RGS6: variants seen among roughly 807,000 people sequenced by gnomAD.
The protein encoded by RGS6 is regulator of G-protein signaling 6.
In RGS6, 30 loss-of-function variants were observed where a neutral mutation model predicts 78.5. The ratio of observed to expected loss-of-function variants is 0.38; its 90% CI spans 0.29 to 0.52. The LOEUF (loss-of-function observed/expected upper bound fraction) is 0.52. Ranked by LOEUF, RGS6 falls within the 20% of genes least tolerant of loss-of-function variation. RGS6 has a pLI of 0.85. For synonymous variants in RGS6, 206 were observed against 206.0 expected, an observed-to-expected ratio of 1.00 and a Z score of 0.00; for missense variants, 495 against 609.7, an observed-to-expected ratio of 0.81 and a Z score of 1.98.
At chr14:72,230,304 A>G (rs1380633527) in intron 2 of RGS6, among the ~76,000 whole-genome samples, 1 of 152,232 alleles carries the variant, frequency 6.6e-6, no homozygotes, top group Non-Finnish European at 1.5e-5. Context: ...GATGGCTGTA[A>G]GCACCAAGAT....
intron 2 of RGS6, among the ~76,000 whole-genome samples, chr14:72,188,635 C>T (rs1192993427): frequency 6.6e-6 from 1 of 152,204 alleles, no homozygotes; most frequent in African/African-American, 2.4e-5. Context: ...CTGCATTAAA[C>T]TGCATACAAT....
intron 2 of RGS6, among the ~76,000 whole-genome samples, chr14:72,266,733 C>T (rs1216500206): frequency 6.6e-6 from 1 of 152,290 alleles, no homozygotes; most frequent in African/African-American, 2.4e-5. Context: ...AACTGATGGC[C>T]TTTTCTAGAT....
intron 2 of RGS6, among the ~76,000 whole-genome samples, chr14:72,328,504 A>C (rs868714063): frequency 1.3e-5 from 2 of 152,322 alleles, no homozygotes; most frequent in Middle Eastern, 3.4e-3. Flanking sequence ...AATGGCCCAA[A>C]TCACTAGATC....
chr14:72,097,714 G>A (rs916520078), intron 2 of RGS6, among the ~76,000 whole-genome samples: 1 of 152,188 alleles, frequency 6.6e-6, no homozygotes, highest in Non-Finnish European at 1.5e-5. Flanking sequence ...ACTTAGCCCA[G>A]ATGCAGCCCA....
chr14:72,416,531 C>T (rs1422237911), intron 3 of RGS6, among the ~76,000 whole-genome samples: 2 of 152,010 alleles, frequency 1.3e-5, no homozygotes, highest in Non-Finnish European at 2.9e-5. Flanking sequence ...AAAGTGATTC[C>T]TCCCCTACCA....
At position 71,943,853 on chromosome 14, in the gene RGS6, G is replaced by T. The variant is rs558062178; in HGVS notation, c.-21+10912G>T. Reference sequence around the variant, plus strand: ...TGCAGAGTGACAGCTGTGGGTGGAGGAGGAAGGATGGGCTAGTATTGGTAG... The same window carrying T: ...TGCAGAGTGACAGCTGTGGGTGGAGTAGGAAGGATGGGCTAGTATTGGTAG... On this transcript the variant is annotated intron_variant, in intron 1 of 17. Coordinates refer to ENST00000553525, the MANE Select transcript of RGS6 (RefSeq NM_001204424.2). Among the ~76,000 whole-genome samples, 3 of 152,318 alleles carry T rather than the reference G, an allele frequency of 2.0e-5. No individual in the cohort carries two copies. In the South Asian group the frequency reaches 6.2e-4, roughly 32 times the overall value.
the RGS6 span, among the ~76,000 whole-genome samples, chr14:71,904,808 T>TTTACTTTTCCTG: frequency 6.6e-6 from 1 of 152,262 alleles, no homozygotes; most frequent in Non-Finnish European, 1.5e-5. Context: ...TTCTTGAATT[T>TTTACTTTTCCTG]ATACTTTTCC....
chr14:72,601,810 G>A, the RGS6 span, among the ~76,000 whole-genome samples: 2 of 152,216 alleles, frequency 1.3e-5, no homozygotes, highest in Admixed American at 1.3e-4. Flanking sequence ...ATAGGTGCCT[G>A]ACATAATCTC....
chr14:72,246,244 C>A (rs118177807), intron 2 of RGS6, among the ~76,000 whole-genome samples: 1 of 152,174 alleles, frequency 6.6e-6, no homozygotes, highest in East Asian at 1.9e-4. Context: ...TTTGAGTTTG[C>A]TGCCTGCACA....
rs1339572399 is a variant in RGS6 at position 72,508,322 on chromosome 14, G to A, written c.966-1832G>A. Among the ~76,000 whole-genome samples the A allele has an allele frequency of 2.0e-5, 3 of 152,064 alleles. No individual in the cohort carries two copies. In the South Asian group the frequency reaches 6.2e-4, roughly 32 times the overall value. ...TCTAGAGCTGCATACCAATATAGTA[G>A]CCACTAGCCACATGTAGCTATTTAA... On this transcript the variant is annotated intron_variant, in intron 13 of 17. Transcript: ENST00000553525.
chr14:72,082,478 T>A (rs2094865151), intron 2 of RGS6, among the ~76,000 whole-genome samples: 1 of 152,154 alleles, frequency 6.6e-6, no homozygotes, highest in African/African-American at 2.4e-5. Flanking sequence ...GAGTTTTGTA[T>A]GTTGATTTTG....
Position 72,303,212 on chromosome 14 carries a change from A to C in RGS6, c.85-48883A>C, listed in dbSNP as rs117757342. On this transcript the variant is annotated intron_variant, in intron 2 of 17. Transcript: ENST00000553525. Reference sequence around the variant, plus strand: ...ATCATTTATGTAACTAAAAATACCAACTTCCAGGCCAGGTGTGGTGGCTCA... The same window carrying C: ...ATCATTTATGTAACTAAAAATACCACCTTCCAGGCCAGGTGTGGTGGCTCA... 2.6e-5 allele frequency among the ~76,000 whole-genome samples: 4 copies of C among 152,250 alleles called. No homozygotes were observed. The South Asian group carries it at 8.3e-4, about 32-fold the overall frequency.
intron 16 of RGS6, among the ~76,000 whole-genome samples, chr14:72,539,456 G>A (rs184596078): frequency 7.7e-4 from 118 of 152,280 alleles, no homozygotes; most frequent in African/African-American, 2.7e-3. Flanking sequence ...GGAAGTCACT[G>A]AAGTTAGCAA....
intron 2 of RGS6, among the ~76,000 whole-genome samples, chr14:72,214,648 C>G (rs1179048721): frequency 6.6e-6 from 1 of 152,064 alleles, no homozygotes; most frequent in African/African-American, 2.4e-5. Flanking sequence ...TATGTATATA[C>G]AGCCATTTAT....
In RGS6 at chr14:72,334,458, C is replaced by T. The variant is rs371402161; in HGVS notation, c.85-17637C>T. On this transcript the variant is annotated intron_variant, in intron 2 of 17. Transcript: ENST00000553525. ...CTCCCTCCCTTCCCCCTCATTTCTTCACCCCTCCCCCATGAAACCATCAAT... is the reference window on the plus strand; with the variant it reads ...CTCCCTCCCTTCCCCCTCATTTCTTTACCCCTCCCCCATGAAACCATCAAT... Among the ~76,000 whole-genome samples, 5 of 152,326 alleles carry T rather than the reference C, an allele frequency of 3.3e-5. No homozygotes were observed. The East Asian group carries it at 9.7e-4, about 29-fold the overall frequency.
rs371502858 is a variant in RGS6 at position 72,474,609 on chromosome 14, G to A, written c.619-16G>A. ...TTTCACGTAGTAATTTATATGATGT[G>A]TTTTTTTTTTCTCAGCCAGGCTGTG... On this transcript the variant is annotated splice_polypyrimidine_tract_variant and intron_variant, in intron 9 of 17. Transcript: ENST00000553525. 5.7e-6 allele frequency: 8 copies of A among 1,414,914 alleles called. No individual in the cohort carries two copies. The highest frequency in any genetic ancestry group is 7.7e-6 in the Non-Finnish European group (8 of 1,034,848). The allele number at this position is 1,414,914 out of a possible 1,614,324, so 87.6% of individuals were successfully genotyped here. A position where few individuals can be genotyped will look rare whatever the true frequency, so the allele number is the denominator to read the frequency against.
At chr14:72,190,153 G>A (rs17179980) in intron 2 of RGS6, among the ~76,000 whole-genome samples, 9,203 of 152,098 alleles carry the variant, frequency 0.061, 294 homozygotes, top group Non-Finnish European at 0.071. Context: ...GCCTCTCTGG[G>A]CTACCCGGGC....
At chr14:72,504,025 G>A (rs938236127) in intron 13 of RGS6, among the ~76,000 whole-genome samples, 2 of 152,220 alleles carry the variant, frequency 1.3e-5, no homozygotes, top group African/African-American at 4.8e-5. Flanking sequence ...TACCTAAATT[G>A]AAGAGACGAG....
chr14:72,351,220 C>T (rs1438267904), intron 2 of RGS6, among the ~76,000 whole-genome samples: 2 of 152,140 alleles, frequency 1.3e-5, no homozygotes, highest in Non-Finnish European at 2.9e-5. Context: ...CCTTCAGTTG[C>T]TCTCCCTTCC....
Sources: gnomAD v4.1 joint callset for allele counts (sites outside exome capture counted in the v4.1 genomes callset) on GRCh38, gnomAD v4.1.1 for gene constraint, MANE v1.5 for transcripts, NCBI Gene and HGNC (gene_info 2026-07-23, HGNC 2026-07-21) for gene names.